Variants in AFF2 observed in about 807,000 individuals in gnomAD.
The protein encoded by AFF2 is AF4/FMR2 family member 2.
In AFF2, 14 loss-of-function variants were observed where a neutral mutation model predicts 76.9. The observed-to-expected ratio is 0.18, with a 90% confidence interval of 0.12 to 0.28. The LOEUF is 0.28. Ranked by LOEUF, AFF2 falls within the 10% of genes least tolerant of loss-of-function variation. AFF2 has a pLI of 1.00. For missense variants in AFF2, 868 were observed against 1,001.1 expected, an observed-to-expected ratio of 0.87 and a Z score of 1.79; for synonymous variants, 398 against 366.7, an observed-to-expected ratio of 1.09 and a Z score of -0.98.
intron 1 of AFF2, among the ~76,000 whole-genome samples, chrX:148,635,462 A>G (rs1232099185): frequency 1.8e-5 from 2 of 111,947 alleles, no homozygotes; most frequent in Admixed American, 1.9e-4. Context: ...CAGACTTCCT[A>G]CTTCCAGAAC....
At chrX:148,791,814 T>A (rs2069898846) in intron 3 of AFF2, among the ~76,000 whole-genome samples, 1 of 111,660 alleles carries the variant, frequency 9.0e-6, no homozygotes, top group South Asian at 3.7e-4. Flanking sequence ...ATCTTGCTTA[T>A]GTTACTGAGC....
chrX:148,552,591 G>A (rs1557239104), intron 1 of AFF2, among the ~76,000 whole-genome samples: 1 of 112,081 alleles, frequency 8.9e-6, no homozygotes, highest in African/African-American at 3.2e-5. Context: ...GCCTTTAATT[G>A]CCTTTGGTTC....
At chrX:148,758,331 G>T (rs1569554988) in intron 3 of AFF2, among the ~76,000 whole-genome samples, 1 of 112,709 alleles carries the variant, frequency 8.9e-6, no homozygotes, top group Non-Finnish European at 1.9e-5. Context: ...TCAAATATTG[G>T]ATAGCTGTTT....
intron 8 of AFF2, among the ~76,000 whole-genome samples, chrX:148,890,241 T>C (rs1472282096): frequency 8.9e-6 from 1 of 112,145 alleles, no homozygotes; most frequent in East Asian, 2.8e-4. Flanking sequence ...ATACTAGCTG[T>C]ATACTAGCTG....
chrX:148,953,656 A>G lies in AFF2; in HGVS notation c.1474A>G (p.Ser492Gly). ...TTCTGGCAGCTCCAGCGAATCGGAG[A>G]GCAGCTCTGAGTCGGATTCAGACAC... ...GGSGSSSESE[S>G]SSESDSDTES... Residue 492 changes from serine (S) to glycine (G), a missense_variant, in exon 10 of 21, where the codon AGC (serine) becomes GGC (glycine). Physicochemically the swap from Ser to Gly is moderately conservative, Grantham distance 56. This residue lies in a region of AFF2 where 532 missense variants were observed against 564.2 expected (regional missense o/e 0.94). Transcript: ENST00000370460. 2.5e-6 allele frequency: 3 copies of G among 1,211,444 alleles called. No homozygotes were observed. Among genetic ancestry groups the G allele is most frequent in the Non-Finnish European group, 2.2e-6 (2 of 895,353 alleles).
At position 148,769,590 on chromosome X, in the gene AFF2, C is replaced by T. The variant is rs182066605; in HGVS notation, c.1042-40286C>T. On this transcript the variant is annotated intron_variant, in intron 3 of 20. Transcript: ENST00000370460. ...GTACATAATGGACTAAGACCTCAGT[C>T]TTGCCCCTCCATCCTCAACTTGGCT... 3.6e-5 allele frequency among the ~76,000 whole-genome samples: 4 copies of T among 111,418 alleles called. No homozygotes were observed. In the East Asian group the frequency reaches 8.5e-4, roughly 24 times the overall value.
At chrX:148,662,894 T>A in intron 3 of AFF2, 126 bp downstream of exon 3, 1 of 726,601 alleles carries the variant, frequency 1.4e-6, no homozygotes, top group Non-Finnish European at 2.0e-6. Context: ...CTCTTCAAGT[T>A]CAGGGTCTGA....
chrX:148,876,316 A>G (rs999294955), intron 7 of AFF2, among the ~76,000 whole-genome samples: 2 of 112,282 alleles, frequency 1.8e-5, no homozygotes, highest in African/African-American at 6.5e-5. Flanking sequence ...ACTTGGGTCT[A>G]TCTGACTGCA....
intron 9 of AFF2, among the ~76,000 whole-genome samples, chrX:148,934,483 C>A (rs897767618): frequency 8.9e-6 from 1 of 112,067 alleles, no homozygotes; most frequent in Non-Finnish European, 1.9e-5. Flanking sequence ...GCCATTTACC[C>A]CTTAAACCTG....
At chrX:148,536,722 A>G (rs929524575) in intron 1 of AFF2, among the ~76,000 whole-genome samples, 12 of 112,404 alleles carry the variant, frequency 1.1e-4, no homozygotes, top group Middle Eastern at 4.2e-3. Context: ...TTCAAAACCC[A>G]TAGAGGAGAC....
At chrX:148,504,471 T>G (rs1442034756) in intron 1 of AFF2, among the ~76,000 whole-genome samples, 2 of 113,006 alleles carry the variant, frequency 1.8e-5, no homozygotes, top group Non-Finnish European at 3.7e-5. Flanking sequence ...ACAGCATCAA[T>G]TGTTTGTAGT....
rs146499673 is a variant in AFF2 at position 148,922,778 on chromosome X, C to T, written c.1397+18520C>T. Among the ~76,000 whole-genome samples, 384 of 111,545 alleles carry T rather than the reference C, an allele frequency of 3.4e-3. 1 individual carries two copies. The highest frequency in any genetic ancestry group is 0.012 in the African/African-American group (358 of 30,667). Reference sequence around the variant, plus strand: ...TATCAGGATGTTCTCAGCAAAACACCAACACTTGATTCTGTTTTTCACTTA... The same window carrying T: ...TATCAGGATGTTCTCAGCAAAACACTAACACTTGATTCTGTTTTTCACTTA... On this transcript the variant is annotated intron_variant, in intron 9 of 20. Transcript: ENST00000370460.
intron 1 of AFF2, among the ~76,000 whole-genome samples, chrX:148,521,020 G>A (rs1362200445): frequency 8.9e-6 from 1 of 112,189 alleles, no homozygotes; most frequent in Non-Finnish European, 1.9e-5. Flanking sequence ...GGCAGACATT[G>A]CCAAGGCCAG....
chrX:148,916,414 A>G (rs1443376611), intron 9 of AFF2, among the ~76,000 whole-genome samples: 2 of 107,405 alleles, frequency 1.9e-5, no homozygotes, highest in Non-Finnish European at 1.9e-5. Flanking sequence ...GTTTCACCAG[A>G]TTAGCCAGGA....
intron 3 of AFF2, among the ~76,000 whole-genome samples, chrX:148,786,165 A>T (rs2069818133): frequency 8.9e-6 from 1 of 111,779 alleles, no homozygotes. Context: ...TTGTCCTTTT[A>T]CTCAATAAAT....
chrX:148,718,548 G>T (rs1240289263), intron 3 of AFF2, among the ~76,000 whole-genome samples: 2 of 111,116 alleles, frequency 1.8e-5, no homozygotes, highest in African/African-American at 6.5e-5. Context: ...TAACTGGGTC[G>T]CCGTGAAGTT....
At chrX:148,783,394 G>A (rs1202845286) in intron 3 of AFF2, among the ~76,000 whole-genome samples, 2 of 111,288 alleles carry the variant, frequency 1.8e-5, no homozygotes, top group African/African-American at 3.3e-5. Flanking sequence ...ACTTAACATA[G>A]CAAATCAGAA....
At chrX:148,627,014 G>A (rs781873985) in intron 1 of AFF2, among the ~76,000 whole-genome samples, 19 of 110,646 alleles carry the variant, frequency 1.7e-4, no homozygotes, top group Non-Finnish European at 3.0e-4. Context: ...TTTGAGACCA[G>A]CCTGAGCAAT....
chrX:148,812,968 T>C (rs2070222314), intron 4 of AFF2, among the ~76,000 whole-genome samples: 1 of 112,103 alleles, frequency 8.9e-6, no homozygotes, highest in South Asian at 3.7e-4. Flanking sequence ...CCTTGTCTGG[T>C]CTTCCAGCAA....
Sources: gnomAD v4.1 joint callset for allele counts (sites outside exome capture counted in the v4.1 genomes callset) on GRCh38, gnomAD v4.1.1 for gene constraint, gnomAD v4.1.1 regional missense constraint, MANE v1.5 for transcripts, NCBI Gene and HGNC (gene_info 2026-07-23, HGNC 2026-07-21) for gene names.